PDE10A: variants seen among roughly 807,000 people sequenced by gnomAD.
PDE10A encodes cAMP and cAMP-inhibited cGMP 3',5'-cyclic phosphodiesterase 10A.
In PDE10A, 39 loss-of-function variants were observed where a neutral mutation model predicts 97.7. The ratio of observed to expected loss-of-function variants is 0.40; its 90% CI spans 0.31 to 0.52. The LOEUF (loss-of-function observed/expected upper bound fraction) is 0.52, where lower values mean the gene tolerates loss of function less well. Ranked by LOEUF, PDE10A falls within the 20% of genes least tolerant of loss-of-function variation. PDE10A has a pLI of 0.56. For synonymous variants in PDE10A, 371 were observed against 376.8 expected (o/e 0.98, Z 0.18); for missense variants, 731 against 1,047.8 (o/e 0.70, Z 4.17).
chr6:165,904,786 T>A (rs1583263734), intron 1 of PDE10A, among the ~76,000 whole-genome samples: 1 of 152,236 alleles, frequency 6.6e-6, no homozygotes, highest in East Asian at 1.9e-4. Context: ...TGGATAACCA[T>A]GGAATCTTAC....
intron 9 of PDE10A, 29 bp from the exon 10 acceptor site, chr6:165,428,738 G>C: frequency 3.3e-6 from 3 of 900,986 alleles, no homozygotes; most frequent in Non-Finnish European, 5.4e-6. Context: ...AATCCTGTAA[G>C]TAATTTCATT....
At position 165,430,314 on chromosome 6, in the gene PDE10A, A is replaced by G; in HGVS notation, c.1574T>C (p.Leu525Ser). The change falls in exon 9 of 22, where the codon TTG (leucine) becomes TCG (serine). Residue 525 changes from leucine to serine, a missense_variant. By Grantham distance (145) the Leu-to-Ser change is moderately radical. This residue lies in a region of PDE10A where 108 missense variants were observed against 199.8 expected (regional missense o/e 0.54). Coordinates refer to ENST00000539869, the MANE Select transcript of PDE10A (RefSeq NM_001385079.1). ...TGATACGTCGAGTAGGAAGTCATTC[A>G]ATTCTGTCTGTTTGGCAAGGCCTCT... ...VCRGLAKQTELNDFLLDVSKT... is the reference protein window; with the variant it reads ...VCRGLAKQTESNDFLLDVSKT... 3 of 1,609,422 alleles carry G rather than the reference A, an allele frequency of 1.9e-6. No homozygotes were observed. The highest frequency in any genetic ancestry group is 2.5e-6 in the Non-Finnish European group (3 of 1,176,554).
At chr6:165,459,489 T>TTAGATAGATAGA (rs147229263) in intron 3 of PDE10A, among the ~76,000 whole-genome samples, 20 of 146,944 alleles carry the variant, frequency 1.4e-4, no homozygotes, top group East Asian at 8.1e-4. Flanking sequence ...TTCTAATGCA[T>TTAGATAGATAGA]TAGATAGATA....
intron 1 of PDE10A, among the ~76,000 whole-genome samples, chr6:165,984,899 G>T (rs1785137543): frequency 6.6e-6 from 1 of 152,146 alleles, no homozygotes; most frequent in African/African-American, 2.4e-5. Context: ...GTTTGGAAAC[G>T]GACGCAAGCC....
At chr6:165,710,642 T>C (rs1036331481) in intron 1 of PDE10A, among the ~76,000 whole-genome samples, 1 of 152,216 alleles carries the variant, frequency 6.6e-6, no homozygotes. Context: ...GGTGGGGTTC[T>C]TAAGTTTAGC....
chr6:165,657,109 C>T (rs1394373591), intron 1 of PDE10A, among the ~76,000 whole-genome samples: 1 of 152,240 alleles, frequency 6.6e-6, no homozygotes, highest in Non-Finnish European at 1.5e-5. Flanking sequence ...TGTTAACAGT[C>T]TCAGGGAAAC....
chr6:165,548,610 C>T (rs1436860628), intron 1 of PDE10A, among the ~76,000 whole-genome samples: 1 of 152,152 alleles, frequency 6.6e-6, no homozygotes, highest in Non-Finnish European at 1.5e-5. Flanking sequence ...ACAATCTGGT[C>T]AGTGTTACTG....
At chr6:165,358,051 C>T (rs750033884) in intron 18 of PDE10A, among the ~76,000 whole-genome samples, 3 of 152,046 alleles carry the variant, frequency 2.0e-5, no homozygotes, top group East Asian at 1.9e-4. Flanking sequence ...TCGGACTTCC[C>T]GTGGAGTGTC....
chr6:165,982,377 G>T (rs1785046610), intron 1 of PDE10A, among the ~76,000 whole-genome samples: 3 of 152,164 alleles, frequency 2.0e-5, no homozygotes, highest in Admixed American at 2.0e-4. Context: ...ACACTCATGA[G>T]ATTAATTTAA....
At chr6:165,641,744 C>T (rs1410470994) in intron 1 of PDE10A, among the ~76,000 whole-genome samples, 1 of 152,212 alleles carries the variant, frequency 6.6e-6, no homozygotes, top group Non-Finnish European at 1.5e-5. Flanking sequence ...TCCTAGATGC[C>T]CTAGATGTTC....
chr6:165,671,380 G>A lies in PDE10A; in HGVS notation c.-614-127812C>T, dbSNP rs1446922540. Among the ~76,000 whole-genome samples the A allele has an allele frequency of 6.6e-6, 1 of 152,094 alleles. No homozygotes were observed. Among genetic ancestry groups the A allele is most frequent in the African/African-American group, 2.4e-5 (1 of 41,402 alleles). ...TCACAGAGTGAGCATAACCCCTGAA[G>A]AGCCCGAATTCAGCCCAGGTGCCTC... is the stretch of plus-strand genomic sequence containing the variant. On this transcript the variant is annotated intron_variant, in intron 1 of 19. Coordinates refer to the PDE10A transcript ENST00000366882. The surrounding 1 kb of genome is among the most constrained non-coding windows in gnomAD (Gnocchi z 4.6).
intron 3 of PDE10A, among the ~76,000 whole-genome samples, chr6:165,458,004 A>G (rs762541027): frequency 4.6e-5 from 7 of 152,212 alleles, no homozygotes; most frequent in Non-Finnish European, 8.8e-5. Flanking sequence ...AACAATAAAC[A>G]AGAAGCCATA....
chr6:165,705,133 G>A (rs1791675891), intron 1 of PDE10A, among the ~76,000 whole-genome samples: 1 of 152,250 alleles, frequency 6.6e-6, no homozygotes, highest in East Asian at 1.9e-4. Flanking sequence ...CATGGAATGG[G>A]TGAAGCCTGG....
chr6:165,834,056 T>C (rs1780004655), intron 1 of PDE10A, among the ~76,000 whole-genome samples: 1 of 152,176 alleles, frequency 6.6e-6, no homozygotes, highest in Non-Finnish European at 1.5e-5. Flanking sequence ...AATAAGTGCT[T>C]TGTCCCACTT....
intron 1 of PDE10A, among the ~76,000 whole-genome samples, chr6:165,916,111 C>T (rs571315307): frequency 5.3e-5 from 8 of 152,218 alleles, no homozygotes; most frequent in African/African-American, 1.9e-4. Flanking sequence ...GCTATGGGAA[C>T]ATTAATTTCA....
chr6:165,607,085 C>G (rs1035409238), intron 1 of PDE10A, among the ~76,000 whole-genome samples: 26 of 152,242 alleles, frequency 1.7e-4, no homozygotes, highest in Non-Finnish European at 2.6e-4. Flanking sequence ...GTTAAAAATG[C>G]TTTCAGAATA....
chr6:165,753,192 T>C (rs976142920), intron 1 of PDE10A, among the ~76,000 whole-genome samples: 24 of 152,222 alleles, frequency 1.6e-4, no homozygotes, highest in Non-Finnish European at 3.1e-4. Context: ...AGATTGTAGG[T>C]AACCAAAACA....
At chr6:165,932,872 C>T (rs1214004574) in intron 1 of PDE10A, among the ~76,000 whole-genome samples, 1 of 152,222 alleles carries the variant, frequency 6.6e-6, no homozygotes, top group Non-Finnish European at 1.5e-5. Context: ...TAGCAGGTTG[C>T]CCTGCTCCAG....
At chr6:165,514,314 CT>C (rs1781669670) in intron 2 of PDE10A, among the ~76,000 whole-genome samples, 1 of 152,164 alleles carries the variant, frequency 6.6e-6, no homozygotes, top group African/African-American at 2.4e-5. Context: ...AAATGCTTTT[CT>C]TCCTTCTCTA....
Sources: gnomAD v4.1 joint callset for allele counts (sites outside exome capture counted in the v4.1 genomes callset) on GRCh38, gnomAD v4.1.1 for gene constraint, gnomAD v4.1.1 regional missense constraint, Gnocchi (gnomAD v3.1) non-coding constraint, MANE v1.5 for transcripts, NCBI Gene and HGNC (gene_info 2026-07-23, HGNC 2026-07-21) for gene names.